The following FPR3 variants were observed in gnomAD, a reference collection of about 807,000 sequenced individuals.
FPR3 encodes the protein N-formyl peptide receptor 3.
For missense variants in FPR3, 346 were observed against 443.2 expected (o/e 0.78, Z 1.97); for synonymous variants, 135 against 163.6 (o/e 0.83, Z 1.34).
chr19:51,814,391 CCTCT>C (rs1449778208), intron 1 of FPR3, among the ~76,000 whole-genome samples: 1 of 152,208 alleles, frequency 6.6e-6, no homozygotes, highest in Non-Finnish European at 1.5e-5. Flanking sequence ...AAATTATCTC[CCTCT>C]GGAGCAGAAG....
chr19:51,812,622 C>T lies in FPR3; in HGVS notation c.-10-11117C>T, dbSNP rs757339109. On this transcript the variant is annotated intron_variant, in intron 1 of 1. Coordinates refer to ENST00000339223, the MANE Select transcript of FPR3 (RefSeq NM_002030.5). The stretch of plus-strand genomic sequence containing the variant: ...ACCTTTCCAGGCTACCTAGGGGTAC[C>T]CTCATAGCTTTGGCATCACACACAA... 8.7e-4 allele frequency among the ~76,000 whole-genome samples: 132 copies of T among 152,256 alleles called. 2 individuals are homozygous for T. Among genetic ancestry groups the T allele is most frequent in the Admixed American group, 2.9e-3 (44 of 15,296 alleles).
At chr19:51,796,471 C>T (rs982268968) in intron 1 of FPR3, among the ~76,000 whole-genome samples, 6 of 152,136 alleles carry the variant, frequency 3.9e-5, no homozygotes, top group Non-Finnish European at 7.3e-5. Context: ...TTTTAAAGCT[C>T]ATTTGGTTTC....
chr19:51,809,604 A>T (rs975358510), intron 1 of FPR3, among the ~76,000 whole-genome samples: 2 of 152,206 alleles, frequency 1.3e-5, no homozygotes. Context: ...TGTGACATTA[A>T]AACTACTTGA....
At chr19:51,802,501 G>A (rs1358078108) in intron 1 of FPR3, among the ~76,000 whole-genome samples, 2 of 152,170 alleles carry the variant, frequency 1.3e-5, no homozygotes, top group East Asian at 3.9e-4. Context: ...CCCCCAATTT[G>A]AGAGTAAGAA....
intron 1 of FPR3, among the ~76,000 whole-genome samples, chr19:51,822,582 T>C (rs2084198486): frequency 6.6e-6 from 1 of 152,202 alleles, no homozygotes; most frequent in African/African-American, 2.4e-5. Context: ...CTCTCAACAT[T>C]GAGTCATTCC....
rs2084155260 is a variant in FPR3 at position 51,818,052 on chromosome 19, T to C, written c.-10-5687T>C. ...AGTTTTAGGAAATGATGAGTTCACGTCCTTTTTAGGGACATGGACGAAGCT... is the reference window on the plus strand; with the variant it reads ...AGTTTTAGGAAATGATGAGTTCACGCCCTTTTTAGGGACATGGACGAAGCT... On this transcript the variant is annotated intron_variant, in intron 1 of 1. Coordinates refer to ENST00000339223, the MANE Select transcript of FPR3 (RefSeq NM_002030.5). 2.0e-5 allele frequency among the ~76,000 whole-genome samples: 3 copies of C among 152,220 alleles called. No homozygotes were observed. The South Asian group carries it at 6.2e-4, about 32-fold the overall frequency.
intron 1 of FPR3, among the ~76,000 whole-genome samples, chr19:51,799,504 T>C (rs1241066689): frequency 6.6e-6 from 1 of 152,202 alleles, no homozygotes; most frequent in Non-Finnish European, 1.5e-5. Flanking sequence ...ACAATCCCAA[T>C]GTCTGTGTGT....
chr19:51,819,175 C>G (rs1295658198), intron 1 of FPR3, among the ~76,000 whole-genome samples: 1 of 152,030 alleles, frequency 6.6e-6, no homozygotes, highest in African/African-American at 2.4e-5. Context: ...GGAAGAATGG[C>G]AGGTTTGGGA....
intron 1 of FPR3, among the ~76,000 whole-genome samples, chr19:51,799,205 C>G (rs747198571): frequency 6.6e-6 from 1 of 152,200 alleles, no homozygotes; most frequent in Non-Finnish European, 1.5e-5. Context: ...TCTTGCTCCT[C>G]TGAGTGTGGC....
At chr19:51,798,224 G>C (rs1463780906) in intron 1 of FPR3, among the ~76,000 whole-genome samples, 1 of 152,070 alleles carries the variant, frequency 6.6e-6, no homozygotes, top group Non-Finnish European at 1.5e-5. Flanking sequence ...GCAGGGGGAG[G>C]GGGTGGGAGG....
At chr19:51,799,281 C>T (rs748169032) in intron 1 of FPR3, among the ~76,000 whole-genome samples, 1 of 152,106 alleles carries the variant, frequency 6.6e-6, no homozygotes, top group Non-Finnish European at 1.5e-5. Context: ...TTAACACTGT[C>T]GTCGCCTCAT....
intron 1 of FPR3, among the ~76,000 whole-genome samples, chr19:51,796,994 A>G (rs891300320): frequency 6.6e-6 from 1 of 152,220 alleles, no homozygotes; most frequent in African/African-American, 2.4e-5. Context: ...AAACACCGTA[A>G]ATTGGACTAA....
chr19:51,807,483 G>A (rs2084067890), intron 1 of FPR3, among the ~76,000 whole-genome samples: 1 of 152,140 alleles, frequency 6.6e-6, no homozygotes, highest in African/African-American at 2.4e-5. Flanking sequence ...TCGGGTCCCT[G>A]CAGTTGATAG....
chr19:51,801,516 C>T (rs1343828189), intron 1 of FPR3, among the ~76,000 whole-genome samples: 4 of 152,202 alleles, frequency 2.6e-5, no homozygotes, highest in African/African-American at 4.8e-5. Flanking sequence ...CGCGGTGGCT[C>T]ACGCCCGTAA....
chr19:51,797,276 CGAA>C (rs894974603), intron 1 of FPR3, among the ~76,000 whole-genome samples: 1 of 151,140 alleles, frequency 6.6e-6, no homozygotes, highest in Non-Finnish European at 1.5e-5. Context: ...ACAGCTGAGG[CGAA>C]GAAGGAAAAG....
chr19:51,805,717 C>T (rs144526787), intron 1 of FPR3, among the ~76,000 whole-genome samples: 1 of 152,274 alleles, frequency 6.6e-6, no homozygotes, highest in African/African-American at 2.4e-5. Flanking sequence ...CAATTCTCTA[C>T]GTACTGAGCC....
chr19:51,805,758 G>A (rs1274922192), intron 1 of FPR3, among the ~76,000 whole-genome samples: 1 of 152,140 alleles, frequency 6.6e-6, no homozygotes, highest in Non-Finnish European at 1.5e-5. Context: ...AGTTACAGAG[G>A]ACATCACAAC....
intron 1 of FPR3, among the ~76,000 whole-genome samples, chr19:51,797,433 C>T (rs1311402842): frequency 2.6e-5 from 4 of 151,554 alleles, no homozygotes; most frequent in African/African-American, 9.7e-5. Flanking sequence ...AGAGAGGGGG[C>T]GTGATTATGT....
intron 1 of FPR3, among the ~76,000 whole-genome samples, chr19:51,801,541 G>A (rs978256262): frequency 1.3e-5 from 2 of 152,188 alleles, no homozygotes; most frequent in African/African-American, 4.8e-5. Context: ...AGCACTTTAG[G>A]AGGCCGAAGT....
Sources: gnomAD v4.1 joint callset for allele counts (sites outside exome capture counted in the v4.1 genomes callset) on GRCh38, gnomAD v4.1.1 for gene constraint, MANE v1.5 for transcripts, NCBI Gene and HGNC (gene_info 2026-07-23, HGNC 2026-07-21) for gene names.